SLCO3A1: variants seen among roughly 807,000 people sequenced by gnomAD.
SLCO3A1 encodes PGE1 transporter.
A neutral mutation model predicts 63.1 loss-of-function variants in SLCO3A1; 27 were observed. That is an observed-to-expected ratio of 0.43 (90% CI 0.32 to 0.59). The LOEUF (loss-of-function observed/expected upper bound fraction) is 0.59. SLCO3A1 is among the 20% of genes least tolerant of loss of function. The pLI is 0.09. For synonymous variants in SLCO3A1, 473 were observed against 409.9 expected (o/e 1.15, Z -1.86); for missense variants, 773 against 945.8 (o/e 0.82, Z 2.40).
Position 91,951,258 on chromosome 15 carries a change from C to T in SLCO3A1, c.646+34800C>T, listed in dbSNP as rs550455154. ...CCCTTACCCTCTGGCAACTGCTTAT[C>T]CACTTCCTGTCTGTGGATTTGCCTT... On this transcript the variant is annotated intron_variant, in intron 2 of 9. Coordinates refer to ENST00000318445, the MANE Select transcript of SLCO3A1 (RefSeq NM_013272.4). 3.3e-5 allele frequency among the ~76,000 whole-genome samples: 5 copies of T among 152,004 alleles called. No individual in the cohort carries two copies. In the East Asian group the frequency reaches 9.6e-4, roughly 29 times the overall value.
chr15:91,942,360 G>C lies in SLCO3A1; in HGVS notation c.646+25902G>C, dbSNP rs890271404. On this transcript the variant is annotated intron_variant, in intron 2 of 9. Transcript: ENST00000318445. This position sits in a 1 kb window ranked among gnomAD's most constrained non-coding sequence, Gnocchi z 4.1. ...ATATGAGAACACACACCTGTCCATC[G>C]TTGAGATTTTGTTTTATGTATATTC... Among the ~76,000 whole-genome samples, 2 of 152,136 alleles carry C rather than the reference G, an allele frequency of 1.3e-5. No homozygotes were observed. The highest frequency in any genetic ancestry group is 2.9e-5 in the Non-Finnish European group (2 of 68,026).
intron 9 of SLCO3A1, chr15:92,161,826 G>A (rs1368507598): frequency 7.4e-6 from 1 of 134,576 alleles, no homozygotes; most frequent in East Asian, 2.1e-4. Context: ...GTATGCCGGC[G>A]CTTTGCAGTT....
At chr15:92,098,138 G>A (rs1176779748) in intron 3 of SLCO3A1, 1 of 152,290 alleles carries the variant, frequency 6.6e-6, no homozygotes, top group Non-Finnish European at 1.5e-5. Context: ...TTATGGGGTA[G>A]ATGGAGGAGA....
chr15:91,860,871 T>A lies in SLCO3A1; in HGVS notation c.180+6783T>A, dbSNP rs928238137. Among the ~76,000 whole-genome samples, 2 of 152,192 alleles carry A rather than the reference T, an allele frequency of 1.3e-5. No individual in the cohort carries two copies. The highest frequency in any genetic ancestry group is 1.3e-4 in the Admixed American group (2 of 15,288). On this transcript the variant is annotated intron_variant, in intron 1 of 9. Coordinates refer to ENST00000318445, the MANE Select transcript of SLCO3A1 (RefSeq NM_013272.4). This position sits in a 1 kb window ranked among gnomAD's most constrained non-coding sequence, Gnocchi z 5.5. ...GCATTTCCCCACGCTTGGTCTTTTT[T>A]TTTGGTTTCTCATAAGCAGAACAAT...
Position 91,916,280 on chromosome 15 carries a change from C to T in SLCO3A1, c.468C>T (p.Gly156=). The change falls in exon 2 of 10, where the codon GGC becomes GGT. Residue 156 remains glycine, a synonymous_variant. Coordinates refer to ENST00000318445, the MANE Select transcript of SLCO3A1 (RefSeq NM_013272.4). This position sits in a 1 kb window ranked among gnomAD's most constrained non-coding sequence, Gnocchi z 6.2. The part of the protein sequence containing the change: ...GRDVCAANGS[G]GDEGPDPDLI... ...ACGTCTGCGCAGCCAACGGCTCGGG[C>T]GGCGACGAGGGGCCCGACCCCGACC... The T allele has an allele frequency of 1.9e-6, 3 of 1,551,378 alleles. No homozygotes were observed. Among genetic ancestry groups the T allele is most frequent in the East Asian group, 4.9e-5 (2 of 40,996 alleles).
At chr15:92,113,701 C>A (rs2047757426) in intron 4 of SLCO3A1, among the ~76,000 whole-genome samples, 1 of 152,322 alleles carries the variant, frequency 6.6e-6, no homozygotes, top group Non-Finnish European at 1.5e-5. Flanking sequence ...GCTGCCCCAT[C>A]TGGGGCCAGT....
At chr15:91,964,140 T>G (rs939533468) in intron 2 of SLCO3A1, among the ~76,000 whole-genome samples, 1 of 152,156 alleles carries the variant, frequency 6.6e-6, no homozygotes, top group African/African-American at 2.4e-5. Flanking sequence ...GGAACCTACT[T>G]GTTTTCAGTT....
At position 91,954,016 on chromosome 15, in the gene SLCO3A1, T is replaced by G. The variant is rs1900085051; in HGVS notation, c.646+37558T>G. On this transcript the variant is annotated intron_variant, in intron 2 of 9. Coordinates refer to ENST00000318445, the MANE Select transcript of SLCO3A1 (RefSeq NM_013272.4). This position sits in a 1 kb window ranked among gnomAD's most constrained non-coding sequence, Gnocchi z 4.7. ...TTAAATAGGGGTATGTCTATGGATATTTACTGTATTAGAAATTAAAACTGA... is the reference window on the plus strand; with the variant it reads ...TTAAATAGGGGTATGTCTATGGATAGTTACTGTATTAGAAATTAAAACTGA... Among the ~76,000 whole-genome samples the G allele has an allele frequency of 6.6e-6, 1 of 152,152 alleles. No homozygotes were observed.
intron 2 of SLCO3A1, among the ~76,000 whole-genome samples, chr15:92,049,333 G>T (rs1175352775): frequency 6.6e-6 from 1 of 152,136 alleles, no homozygotes; most frequent in Non-Finnish European, 1.5e-5. Flanking sequence ...TATGTGATTG[G>T]CTCAGCTCGG....
At chr15:92,160,058 C>T (rs1596158289) in intron 9 of SLCO3A1, among the ~76,000 whole-genome samples, 2 of 152,192 alleles carry the variant, frequency 1.3e-5, no homozygotes, top group East Asian at 3.9e-4. Context: ...TAGAGGTGTC[C>T]TCTCTAACCT....
chr15:92,150,013 A>T (rs76734793), intron 8 of SLCO3A1, among the ~76,000 whole-genome samples: 1 of 152,158 alleles, frequency 6.6e-6, no homozygotes, highest in Non-Finnish European at 1.5e-5. Context: ...GAGGCACTGG[A>T]CTCATCATGG....
intron 2 of SLCO3A1, among the ~76,000 whole-genome samples, chr15:92,008,086 T>G (rs899830042): frequency 5.9e-5 from 9 of 152,198 alleles, no homozygotes; most frequent in African/African-American, 1.9e-4. Flanking sequence ...ATTGCTTGAA[T>G]GAACTTGAGA....
rs972390345 is a variant in SLCO3A1, at chr15:91,859,655, T to G, written c.180+5567T>G. Among the ~76,000 whole-genome samples the G allele has an allele frequency of 6.6e-6, 1 of 152,142 alleles. No homozygotes were observed. The highest frequency in any genetic ancestry group is 1.5e-5 in the Non-Finnish European group (1 of 68,022). On this transcript the variant is annotated intron_variant, in intron 1 of 9. Transcript: ENST00000318445. The surrounding 1 kb of genome is among the most constrained non-coding windows in gnomAD (Gnocchi z 5.1). ...TTTACTTAATCTCTGTGTACCTCAA[T>G]TTTTCATTTTATAACTGGGGTTATA...
chr15:91,983,625 G>A (rs183534554), intron 2 of SLCO3A1, among the ~76,000 whole-genome samples: 152 of 152,308 alleles, frequency 1.0e-3, no homozygotes, highest in Non-Finnish European at 1.5e-4. Flanking sequence ...CCTTGAGGCA[G>A]TAAAAGCGCA....
chr15:92,169,698 C>T (rs939521050), downstream of SLCO3A1, among the ~76,000 whole-genome samples: 5 of 152,214 alleles, frequency 3.3e-5, no homozygotes, highest in Admixed American at 1.3e-4. Context: ...TGCCTGGCAC[C>T]CCTGTAGTCT....
Position 91,954,542 on chromosome 15 carries a change from G to A in SLCO3A1, c.646+38084G>A, listed in dbSNP as rs1900105321. Among the ~76,000 whole-genome samples, 1 of 152,200 alleles carries A rather than the reference G, an allele frequency of 6.6e-6. No individual in the cohort carries two copies. Among genetic ancestry groups the A allele is most frequent in the Non-Finnish European group, 1.5e-5 (1 of 68,042 alleles). On this transcript the variant is annotated intron_variant, in intron 2 of 9. Transcript: ENST00000318445. This position sits in a 1 kb window ranked among gnomAD's most constrained non-coding sequence, Gnocchi z 4.7. ...TGATGAACAGCCTACCTGGTCAGGT[G>A]CCCCGCAGGCTTTCCTGAGAAGTGA...
intron 1 of SLCO3A1, among the ~76,000 whole-genome samples, chr15:91,907,233 G>A (rs1482449155): frequency 6.6e-6 from 1 of 151,730 alleles, no homozygotes; most frequent in Non-Finnish European, 1.5e-5. Context: ...TTGAGATGGA[G>A]TCTCACTCTG....
At chr15:92,136,898 G>A (rs1159572186) in intron 7 of SLCO3A1, among the ~76,000 whole-genome samples, 1 of 149,034 alleles carries the variant, frequency 6.7e-6, no homozygotes, top group Non-Finnish European at 1.5e-5. Flanking sequence ...TTCTAAATTA[G>A]TACATAAGGG....
intron 7 of SLCO3A1, among the ~76,000 whole-genome samples, chr15:92,144,168 T>C (rs1053435039): frequency 6.6e-6 from 1 of 152,234 alleles, no homozygotes; most frequent in African/African-American, 2.4e-5. Context: ...TCTTTACCCT[T>C]CACAGTTCCC....
Sources: gnomAD v4.1 joint callset for allele counts (sites outside exome capture counted in the v4.1 genomes callset) on GRCh38, gnomAD v4.1.1 for gene constraint, Gnocchi (gnomAD v3.1) non-coding constraint, MANE v1.5 for transcripts, NCBI Gene and HGNC (gene_info 2026-07-23, HGNC 2026-07-21) for gene names.